SMARCA1: variants seen among roughly 807,000 people sequenced by gnomAD.
The protein encoded by SMARCA1 is SNF2 related chromatin remodeling ATPase 1, also known as SWI/SNF-related matrix-associated actin-dependent regulator of chromatin subfamily A member 1.
In SMARCA1, 17 loss-of-function variants were observed where a neutral mutation model predicts 93.6. That is an observed-to-expected ratio of 0.18 (90% CI 0.12 to 0.27). SMARCA1 has a LOEUF of 0.27. Ranked by LOEUF, SMARCA1 falls within the 10% of genes least tolerant of loss-of-function variation. The pLI, the probability that SMARCA1 is intolerant of heterozygous loss-of-function variation, is 1.00. For missense variants in SMARCA1, 630 were observed against 819.0 expected (o/e 0.77, Z 2.82); for synonymous variants, 271 against 271.4 (o/e 1.00, Z 0.01).
At chrX:129,466,903 C>T (rs772076227) in intron 21 of SMARCA1, among the ~76,000 whole-genome samples, 6 of 109,022 alleles carry the variant, frequency 5.5e-5, no homozygotes, top group Non-Finnish European at 9.5e-5. Context: ...TTCCAAGTCA[C>T]TCAACCAAAT....
chrX:129,457,172 T>G (rs749940744), intron 23 of SMARCA1, among the ~76,000 whole-genome samples: 1 of 112,483 alleles, frequency 8.9e-6, no homozygotes, highest in African/African-American at 3.2e-5. Flanking sequence ...GATTACAACT[T>G]GCTAAAGGCT....
chrX:129,493,022 C>T lies in SMARCA1; in HGVS notation c.1662+18G>A. On this transcript the variant is annotated intron_variant, in intron 13 of 24. Transcript: ENST00000371121. ...GCAATTTGGCAATATGCATCAAGAG[C>T]CTTAAAAATGTTCATACCCTTTGAC... 1 of 474,343 alleles carries T rather than the reference C, an allele frequency of 2.1e-6. No individual in the cohort carries two copies. The highest frequency in any genetic ancestry group is 3.4e-5 in the South Asian group (1 of 29,387). 39.1% of individuals were successfully genotyped at this position (474,343 alleles called of 1,213,427 possible).
intron 23 of SMARCA1, among the ~76,000 whole-genome samples, chrX:129,449,849 C>T (rs1932202477): frequency 9.1e-6 from 1 of 109,757 alleles, no homozygotes; most frequent in Non-Finnish European, 1.9e-5. Flanking sequence ...AAAGTCCAAA[C>T]ATTATAATCA....
In SMARCA1 at chrX:129,482,712, T is replaced by C. The variant is rs552186310; in HGVS notation, c.2218-1527A>G. Among the ~76,000 whole-genome samples, 50 of 112,275 alleles carry C rather than the reference T, an allele frequency of 4.5e-4. 1 individual carries two copies. In the South Asian group the frequency reaches 0.016, roughly 35 times the overall value. On this transcript the variant is annotated intron_variant, in intron 17 of 24. Transcript: ENST00000371121. ...GGCAGCATTACCAATTTTACCCTAT[T>C]ATCAGCTAGAAAATATAATTTAACA...
At chrX:129,501,457 G>A (rs12855607) in intron 9 of SMARCA1, among the ~76,000 whole-genome samples, 26 of 103,762 alleles carry the variant, frequency 2.5e-4, no homozygotes, top group South Asian at 1.3e-3. Context: ...CACCACGCTC[G>A]GCTAATTTTT....
chrX:129,497,320 T>A (rs1934376293), intron 11 of SMARCA1, among the ~76,000 whole-genome samples: 1 of 110,928 alleles, frequency 9.0e-6, no homozygotes, highest in Admixed American at 9.7e-5. Flanking sequence ...AGCCAAGTCT[T>A]CTCTGACACT....
intron 19 of SMARCA1, among the ~76,000 whole-genome samples, chrX:129,475,627 C>A (rs1933348396): frequency 8.9e-6 from 1 of 112,462 alleles, no homozygotes; most frequent in Admixed American, 9.4e-5. Flanking sequence ...TGATCTCCAG[C>A]AACACAATAT....
chrX:129,448,991 C>T (rs1032154042), intron 23 of SMARCA1, among the ~76,000 whole-genome samples: 1 of 109,309 alleles, frequency 9.1e-6, no homozygotes, highest in Non-Finnish European at 1.9e-5. Flanking sequence ...CACACACACA[C>T]GAGCGCATGT....
chrX:129,506,294 A>G, intron 7 of SMARCA1, 83 bp from the exon 8 acceptor site: 1 of 744,560 alleles, frequency 1.3e-6, no homozygotes, highest in East Asian at 3.2e-5. Flanking sequence ...TCCAACCAAT[A>G]TATTTTTGAC....
chrX:129,510,765 G>A lies in SMARCA1; in HGVS notation c.810+1039C>T, dbSNP rs765009278. Among the ~76,000 whole-genome samples the A allele has an allele frequency of 7.2e-5, 8 of 111,527 alleles. No individual in the cohort carries two copies. In the East Asian group the frequency reaches 2.2e-3, roughly 31 times the overall value. On this transcript the variant is annotated intron_variant, in intron 6 of 24. Transcript: ENST00000371121. ...TAGAAATGCAAAGTTTATATGGAGT[G>A]GTATTACATTAGATAACAATGGTGA...
intron 19 of SMARCA1, among the ~76,000 whole-genome samples, chrX:129,477,431 T>C (rs2041480293): frequency 9.0e-6 from 1 of 110,639 alleles, no homozygotes; most frequent in Non-Finnish European, 1.9e-5. Flanking sequence ...CATGCACCTG[T>C]AGTCCCAGCT....
At chrX:129,474,152 G>A (rs1236965269) in intron 19 of SMARCA1, among the ~76,000 whole-genome samples, 2 of 111,026 alleles carry the variant, frequency 1.8e-5, no homozygotes, top group Non-Finnish European at 3.8e-5. Context: ...ACATATGTGG[G>A]GTATATATGG....
chrX:129,470,923 T>A, intron 20 of SMARCA1, among the ~76,000 whole-genome samples: 1 of 112,365 alleles, frequency 8.9e-6, no homozygotes, highest in Non-Finnish European at 1.9e-5. Context: ...AAATGTGGAT[T>A]CACTGACCTT....
intron 9 of SMARCA1, among the ~76,000 whole-genome samples, chrX:129,501,653 C>T (rs1281640978): frequency 9.7e-6 from 1 of 102,590 alleles, no homozygotes; most frequent in Admixed American, 1.1e-4. Flanking sequence ...CTCACTCTGT[C>T]ACCAGGCTGA....
intron 23 of SMARCA1, among the ~76,000 whole-genome samples, chrX:129,461,969 C>A (rs1270417806): frequency 8.9e-6 from 1 of 111,761 alleles, no homozygotes; most frequent in Non-Finnish European, 1.9e-5. Context: ...AAATCTGCAA[C>A]CTTTAGCTGA....
chrX:129,490,250 T>C, intron 14 of SMARCA1, 58 bp from the exon 15 acceptor site: 1 of 812,981 alleles, frequency 1.2e-6, no homozygotes, highest in South Asian at 3.3e-5. Flanking sequence ...TTTAGAGCCA[T>C]CATATGCTAT....
chrX:129,478,840 C>A (rs1373822540), intron 19 of SMARCA1, among the ~76,000 whole-genome samples: 1 of 111,965 alleles, frequency 8.9e-6, no homozygotes, highest in Non-Finnish European at 1.9e-5. Flanking sequence ...ATTGTAAACA[C>A]AGTCCTTATT....
At chrX:129,474,188 A>G (rs1933270339) in intron 19 of SMARCA1, among the ~76,000 whole-genome samples, 1 of 111,795 alleles carries the variant, frequency 8.9e-6, no homozygotes, top group Admixed American at 9.5e-5. Context: ...TTATTTCAAC[A>G]TTTTTGTATT....
chrX:129,484,028 CACTGTT>C (rs1224346437), intron 17 of SMARCA1, among the ~76,000 whole-genome samples: 1 of 111,838 alleles, frequency 8.9e-6, no homozygotes, highest in Non-Finnish European at 1.9e-5. Flanking sequence ...TTCTGGACAC[CACTGTT>C]ACTGTCAGAC....
Sources: allele counts gnomAD v4.1 joint callset (sites outside exome capture counted in the v4.1 genomes callset), GRCh38; gene constraint gnomAD v4.1.1; transcripts MANE v1.5; gene names NCBI Gene and HGNC (gene_info 2026-07-23, HGNC 2026-07-21).